The following ANKRD30A variants were observed in gnomAD, a reference collection of about 807,000 sequenced individuals.
ANKRD30A encodes the protein ankyrin repeat domain 30A, also known as ankyrin repeat domain-containing protein 30A.
ANKRD30A carries 170 observed loss-of-function variants against 166.3 expected under a neutral mutation model. That is an observed-to-expected ratio of 1.02 (90% confidence interval 0.90 to 1.16). The LOEUF (loss-of-function observed/expected upper bound fraction) is 1.16, where lower values mean the gene tolerates loss of function less well. ANKRD30A is among the 50% of genes most tolerant of loss of function. The pLI is 0.00. For missense variants in ANKRD30A, 1,630 were observed against 1,518.0 expected (o/e 1.07, Z -1.23); for synonymous variants, 564 against 508.9 (o/e 1.11, Z -1.46).
intron 19 of ANKRD30A, 101 bp downstream of exon 19, chr10:37,166,796 G>A: frequency 6.6e-7 from 1 of 1,511,586 alleles, no homozygotes; most frequent in South Asian, 1.3e-5. Context: ...CCTCCTAAAT[G>A]CAAACCATGG....
At chr10:37,240,622 T>G in the ANKRD30A span, among the ~76,000 whole-genome samples, 1 of 152,138 alleles carries the variant, frequency 6.6e-6, no homozygotes, top group Non-Finnish European at 1.5e-5. Context: ...CTAGACTACA[T>G]AGAATTTCAC....
chr10:37,212,445 C>G (rs1383821182), intron 31 of ANKRD30A, among the ~76,000 whole-genome samples: 3 of 151,972 alleles, frequency 2.0e-5, no homozygotes, highest in Admixed American at 6.6e-5. Flanking sequence ...CCATACTGCC[C>G]AAGGTAATTT....
chr10:37,212,018 G>T lies in ANKRD30A; in HGVS notation c.2870-4163G>T, dbSNP rs191076217. Among the ~76,000 whole-genome samples, 134 of 151,914 alleles carry T rather than the reference G, an allele frequency of 8.8e-4. 1 individual carries two copies. The highest frequency in any genetic ancestry group is 3.0e-3 in the African/African-American group (126 of 41,328). ...AACATAGTGTTGGAAGTTCTGGCCAGGGCAATCATGCAGGAGAAGGAAATA... is the reference window on the plus strand; with the variant it reads ...AACATAGTGTTGGAAGTTCTGGCCATGGCAATCATGCAGGAGAAGGAAATA... On this transcript the variant is annotated intron_variant, in intron 31 of 35. Coordinates refer to ENST00000361713, the MANE Select transcript of ANKRD30A (RefSeq NM_052997.3).
chr10:37,218,445 G>T (rs560197984), intron 33 of ANKRD30A, among the ~76,000 whole-genome samples: 9 of 150,894 alleles, frequency 6.0e-5, no homozygotes, highest in Non-Finnish European at 1.0e-4. Flanking sequence ...ATAACTAAAA[G>T]TGCTTGTTAC....
rs373040007 is a variant in ANKRD30A, at chr10:37,217,780, G to A, written c.3169G>A (p.Glu1057Lys). The change falls in exon 33 of 36, where the codon GAG becomes AAG. Residue 1057 changes from glutamate (E) to lysine (K), a missense_variant. Glu to Lys is a moderately conservative substitution (Grantham distance 56). This residue lies in a region of ANKRD30A where 712 missense variants were observed against 629.3 expected (regional missense o/e 1.13). Transcript: ENST00000361713. ...TAGGGAAGAATTAGGAAGAATCGAA[G>A]AGCAGCATAGGAAAGAGTTAGAAGT... ...KIREELGRIE[E>K]QHRKELEVKQ... 234 of 1,598,580 alleles carry A rather than the reference G, an allele frequency of 1.5e-4. 1 individual carries two copies. Among genetic ancestry groups the A allele is most frequent in the Admixed American group, 6.2e-4 (36 of 58,238 alleles).
At chr10:37,155,865 A>G (rs1838331348) in intron 13 of ANKRD30A, among the ~76,000 whole-genome samples, 1 of 152,062 alleles carries the variant, frequency 6.6e-6, no homozygotes, top group South Asian at 2.1e-4. Context: ...GCGGATCACA[A>G]GGTTAGGAGA....
At chr10:37,189,865 G>T (rs1446940476) in intron 25 of ANKRD30A, among the ~76,000 whole-genome samples, 2 of 151,542 alleles carry the variant, frequency 1.3e-5, no homozygotes, top group Non-Finnish European at 2.9e-5. Context: ...AGCGTACAGA[G>T]AGTATATGAA....
intron 15 of ANKRD30A, among the ~76,000 whole-genome samples, chr10:37,161,759 G>T (rs1289062568): frequency 6.6e-6 from 1 of 152,110 alleles, no homozygotes; most frequent in African/African-American, 2.4e-5. Flanking sequence ...GACACATATT[G>T]AAAACTAAGA....
At chr10:37,165,294 T>G (rs1211239580) in intron 18 of ANKRD30A, 139 bp downstream of exon 18, 1 of 828,958 alleles carries the variant, frequency 1.2e-6, no homozygotes, top group Non-Finnish European at 1.9e-6. Flanking sequence ...ATATGCTTAA[T>G]GGAGAATCTA....
At chr10:37,262,107 G>A in the ANKRD30A span, among the ~76,000 whole-genome samples, 5 of 152,078 alleles carry the variant, frequency 3.3e-5, no homozygotes, top group Non-Finnish European at 1.5e-5. Flanking sequence ...GTTTTTGAAG[G>A]TTATACAAAG....
chr10:37,201,976 A>G (rs1455927949), intron 31 of ANKRD30A, among the ~76,000 whole-genome samples: 1 of 152,074 alleles, frequency 6.6e-6, no homozygotes, highest in African/African-American at 2.4e-5. Flanking sequence ...CTAGTTAACA[A>G]TTCACACTGT....
At chr10:37,204,818 T>C (rs993428388) in intron 31 of ANKRD30A, among the ~76,000 whole-genome samples, 12 of 152,148 alleles carry the variant, frequency 7.9e-5, no homozygotes, top group Non-Finnish European at 1.3e-4. Context: ...CAAAAGAAGA[T>C]ATTTATGCAG....
rs184395293 is a variant in ANKRD30A, at chr10:37,139,829, A to C, written c.821-1889A>C. 5.6e-4 allele frequency among the ~76,000 whole-genome samples: 85 copies of C among 152,314 alleles called. 1 individual carries two copies. In the East Asian group the frequency reaches 0.014, roughly 25 times the overall value. On this transcript the variant is annotated intron_variant, in intron 6 of 35. Transcript: ENST00000361713. ...TTTTTACAATAAATGGTTTGCATTT[A>C]GTAAATGAGAATTAATTACAGTTGA...
At chr10:37,196,093 A>ATTTATTT (rs1554823849) in intron 27 of ANKRD30A, among the ~76,000 whole-genome samples, 25 of 129,458 alleles carry the variant, frequency 1.9e-4, no homozygotes, top group Middle Eastern at 3.9e-3. Context: ...TATATTTTCT[A>ATTTATTT]TTTTTTTTTT....
At chr10:37,265,041 T>A in the ANKRD30A span, among the ~76,000 whole-genome samples, 4 of 152,226 alleles carry the variant, frequency 2.6e-5, no homozygotes, top group African/African-American at 9.6e-5. Context: ...CTCTGATTAG[T>A]AGTTATCCTC....
At chr10:37,151,946 C>A in intron 11 of ANKRD30A, 114 bp from the exon 12 acceptor site, 1 of 864,410 alleles carries the variant, frequency 1.2e-6, no homozygotes, top group Non-Finnish European at 1.7e-6. Context: ...AAAGAATATA[C>A]GGGCCACAGA....
intron 31 of ANKRD30A, among the ~76,000 whole-genome samples, chr10:37,202,512 C>G (rs1182170348): frequency 2.6e-5 from 4 of 152,106 alleles, no homozygotes; most frequent in Non-Finnish European, 4.4e-5. Context: ...ATTTATAGCA[C>G]TAAATGCCCA....
At position 37,219,658 on chromosome 10, in the gene ANKRD30A, C is replaced by T. The variant is rs1478704036; in HGVS notation, c.3946C>T (p.Gln1316Ter). Residue 1316 changes from glutamine to a stop codon, truncating the protein, a stop_gained, in exon 34 of 36, where the codon CAG (glutamine) becomes TAG (stop). Coordinates refer to ENST00000361713, the MANE Select transcript of ANKRD30A (RefSeq NM_052997.3). LOFTEE classifies it high-confidence loss of function. ...TAATGTGAACAAACACACTGAACAG[C>T]AGGAGTCTCTAGATCAGAAATTATT... is the stretch of plus-strand genomic sequence containing the variant. ...QDNVNKHTEQ[Q>*]ESLDQKLFQL... is the part of the protein sequence containing the mutation. 1.2e-6 allele frequency: 2 copies of T among 1,609,600 alleles called. No individual in the cohort carries two copies. Among genetic ancestry groups the T allele is most frequent in the Non-Finnish European group, 1.7e-6 (2 of 1,177,404 alleles).
chr10:37,248,257 T>C, the ANKRD30A span: 1 of 581,250 alleles, frequency 1.7e-6, no homozygotes. Flanking sequence ...AAGGTTGATC[T>C]CAGAATTGTC....
Sources: gnomAD v4.1 joint callset for allele counts (sites outside exome capture counted in the v4.1 genomes callset) on GRCh38, gnomAD v4.1.1 for gene constraint, gnomAD v4.1.1 regional missense constraint, MANE v1.5 for transcripts, NCBI Gene and HGNC (gene_info 2026-07-23, HGNC 2026-07-21) for gene names.